ANK2: variants seen among roughly 807,000 people sequenced by gnomAD.
ANK2 encodes ankyrin 2.
Under a neutral mutation model 360.5 loss-of-function variants are expected in ANK2, and 83 were observed. The observed-to-expected ratio is 0.23, with a 90% confidence interval of 0.19 to 0.28. ANK2 has a LOEUF of 0.28. ANK2 is among the 10% of genes least tolerant of loss of function. ANK2 has a pLI of 1.00. For synonymous variants in ANK2, 1,740 were observed against 1,759.5 expected (o/e 0.99, Z 0.28); for missense variants, 4,201 against 4,795.7 (o/e 0.88, Z 3.66).
chr4:112,848,017 G>C (rs11098177), intron 1 of ANK2, among the ~76,000 whole-genome samples: 110,660 of 152,154 alleles, frequency 0.73, 41,176 homozygotes, highest in East Asian at 0.97. Flanking sequence ...ATTGAGCACA[G>C]AATGACTCAC....
At chr4:113,049,650 AG>A, upstream of ANK2, 1 of 1,467,000 alleles carries the variant, frequency 6.8e-7, no homozygotes, top group Non-Finnish European at 9.2e-7. Context: ...GCTTTCCTCC[AG>A]TAAGTGCATA....
intron 2 of ANK2, among the ~76,000 whole-genome samples, chr4:113,176,765 G>A (rs1366123562): frequency 6.6e-5 from 10 of 151,910 alleles, no homozygotes; most frequent in East Asian, 3.9e-4. Context: ...ATCTCCTAAC[G>A]CTATCCCTCG....
chr4:113,169,224 TA>T (rs1171550822), intron 1 of ANK2, among the ~76,000 whole-genome samples: 1 of 152,216 alleles, frequency 6.6e-6, no homozygotes, highest in Non-Finnish European at 1.5e-5. Flanking sequence ...AAAGTACATT[TA>T]TTTTTTTGAT....
intron 43 of ANK2, among the ~76,000 whole-genome samples, chr4:113,370,687 G>A (rs1240785699): frequency 6.6e-6 from 1 of 152,166 alleles, no homozygotes; most frequent in Non-Finnish European, 1.5e-5. Flanking sequence ...ATGAACCCGG[G>A]AAGCGGAGCT....
chr4:113,313,863 A>C (rs1220438519), intron 24 of ANK2, among the ~76,000 whole-genome samples: 2 of 152,158 alleles, frequency 1.3e-5, no homozygotes, highest in Non-Finnish European at 2.9e-5. Context: ...TTCTAAAATA[A>C]ATATTTTTAT....
chr4:113,013,447 TG>T (rs2055461181), intron 2 of ANK2, among the ~76,000 whole-genome samples: 1 of 152,228 alleles, frequency 6.6e-6, no homozygotes, highest in Admixed American at 6.5e-5. Context: ...TTGGTATTTA[TG>T]TCTTTCTCAA....
chr4:112,832,093 G>A (rs1017425284), intron 1 of ANK2, among the ~76,000 whole-genome samples: 4 of 152,158 alleles, frequency 2.6e-5, no homozygotes, highest in African/African-American at 9.7e-5. Flanking sequence ...ATTATGTCGC[G>A]CAGGCTGGAG....
chr4:113,130,456 T>C (rs967481408), intron 1 of ANK2, among the ~76,000 whole-genome samples: 4 of 152,212 alleles, frequency 2.6e-5, no homozygotes, highest in Admixed American at 2.0e-4. Context: ...GTCAAATGTA[T>C]AATGATACTG....
intron 1 of ANK2, among the ~76,000 whole-genome samples, chr4:113,072,765 T>TTTTTTTTTTTTTTG (rs142762570): frequency 4.1e-5 from 5 of 121,192 alleles, no homozygotes; most frequent in Non-Finnish European, 7.2e-5. Flanking sequence ...TTTTTTTTTT[T>TTTTTTTTTTTTTTG]GCTGTCTTGT....
the ANK2 span, among the ~76,000 whole-genome samples, chr4:112,709,331 G>A: frequency 6.6e-5 from 10 of 152,074 alleles, no homozygotes; most frequent in South Asian, 6.2e-4. Flanking sequence ...ATGAAGAAAT[G>A]GTTGTTTTGC....
At chr4:113,133,670 A>G (rs1378461835) in intron 1 of ANK2, among the ~76,000 whole-genome samples, 3 of 152,204 alleles carry the variant, frequency 2.0e-5, no homozygotes, top group African/African-American at 7.2e-5. Flanking sequence ...AGGAAAAATA[A>G]TCATAGTTAG....
At chr4:113,336,271 G>T in intron 30 of ANK2, 2 of 549,776 alleles carry the variant, frequency 3.6e-6, no homozygotes, top group Non-Finnish European at 6.2e-6. Context: ...TTAATCTCCA[G>T]CTACAAATGT....
chr4:112,726,351 A>C, the ANK2 span, among the ~76,000 whole-genome samples: 1 of 152,160 alleles, frequency 6.6e-6, no homozygotes, highest in Non-Finnish European at 1.5e-5. Context: ...TTGTAGACAT[A>C]GTGTCTGTTT....
intron 23 of ANK2, among the ~76,000 whole-genome samples, chr4:113,304,129 T>G (rs1314291981): frequency 6.6e-6 from 1 of 152,244 alleles, no homozygotes; most frequent in African/African-American, 2.4e-5. Context: ...GTGTTCTATC[T>G]TAATACTTGC....
intron 14 of ANK2, 92 bp from the exon 15 acceptor site, chr4:113,274,360 C>A: frequency 7.2e-7 from 1 of 1,395,896 alleles, no homozygotes; most frequent in Non-Finnish European, 1.0e-6. Context: ...CCTAGAGATT[C>A]CAAGAAGACA....
At chr4:112,990,279 A>AAAT (rs1297665313) in intron 2 of ANK2, among the ~76,000 whole-genome samples, 1 of 152,062 alleles carries the variant, frequency 6.6e-6, no homozygotes, top group African/African-American at 2.4e-5. Flanking sequence ...AATAGCAATA[A>AAAT]AATAATAATA....
chr4:112,903,251 A>G (rs2084049763), intron 1 of ANK2, among the ~76,000 whole-genome samples: 1 of 152,208 alleles, frequency 6.6e-6, no homozygotes. Flanking sequence ...TCTAGGAACC[A>G]CTGGTATAAG....
intron 11 of ANK2, 120 bp from the exon 12 acceptor site, chr4:113,257,930 G>T: frequency 1.0e-6 from 1 of 998,112 alleles, no homozygotes; most frequent in Non-Finnish European, 1.6e-6. Context: ...CACCTGCAGG[G>T]ATTGAAGAAA....
intron 1 of ANK2, among the ~76,000 whole-genome samples, chr4:113,113,519 A>C (rs963401353): frequency 2.0e-5 from 3 of 152,212 alleles, no homozygotes; most frequent in Non-Finnish European, 4.4e-5. Flanking sequence ...TCTGAAGGAC[A>C]GTCTATGCTG....
Sources: gnomAD v4.1 joint callset for allele counts (sites outside exome capture counted in the v4.1 genomes callset) on GRCh38, gnomAD v4.1.1 for gene constraint, MANE v1.5 for transcripts, NCBI Gene and HGNC (gene_info 2026-07-23, HGNC 2026-07-21) for gene names.